The following COMMD5 variants were observed in gnomAD, a reference collection of about 807,000 sequenced individuals.
COMMD5 encodes COMM domain-containing protein 5.
Under a neutral mutation model 6.9 loss-of-function variants are expected in COMMD5, and 10 were observed. That is an observed-to-expected ratio of 1.44 (90% CI 0.89 to 2.45). The LOEUF (loss-of-function observed/expected upper bound fraction) is 2.45, where lower values mean the gene tolerates loss of function less well. COMMD5 is among the 30% of genes most tolerant of loss of function. The probability of loss-of-function intolerance (pLI) is 0.00; values close to 1 mark genes in which losing one functional copy is unlikely to be tolerated. For synonymous variants in COMMD5, 127 were observed against 125.3 expected, an observed-to-expected ratio of 1.01 and a Z score of -0.09; for missense variants, 234 against 287.8, an observed-to-expected ratio of 0.81 and a Z score of 1.35.
At chr8:144,849,049 C>T (rs1411094565), downstream of COMMD5, among the ~76,000 whole-genome samples, 1 of 152,208 alleles carries the variant, frequency 6.6e-6, no homozygotes, top group Non-Finnish European at 1.5e-5. Flanking sequence ...CAGGTCCATG[C>T]TCTGGGCTCC....
downstream of COMMD5, among the ~76,000 whole-genome samples, chr8:144,839,696 C>G (rs1046582698): frequency 6.6e-6 from 1 of 152,242 alleles, no homozygotes; most frequent in African/African-American, 2.4e-5. Flanking sequence ...ATAAAACATG[C>G]AGCAGCACAA....
intron 1 of COMMD5, chr8:144,842,479 C>G: frequency 1.2e-6 from 2 of 1,613,760 alleles, no homozygotes; most frequent in Non-Finnish European, 1.7e-6. Context: ...ACGGCTTATT[C>G]GCCATCAGAG....
chr8:144,841,066 A>T (rs553418065), exon 2 of COMMD5: 1 of 380,544 alleles, frequency 2.6e-6, no homozygotes, highest in African/African-American at 2.0e-5. Context: ...CTCTGCATGG[A>T]CTGTGCCCCA....
downstream of COMMD5, chr8:144,845,841 T>C (rs1830481535): frequency 3.8e-6 from 3 of 786,734 alleles, no homozygotes; most frequent in Non-Finnish European, 6.0e-6. Context: ...GGAACTTCTG[T>C]GCACGTGGAG....
intron 1 of COMMD5, chr8:144,842,491 A>C: frequency 1.2e-6 from 2 of 1,614,132 alleles, no homozygotes; most frequent in Non-Finnish European, 1.7e-6. Context: ...CCATCAGAGA[A>C]CTCACACTGG....
chr8:144,842,259 T>C (rs763216060), intron 1 of COMMD5: 2 of 1,613,994 alleles, frequency 1.2e-6, no homozygotes, highest in Non-Finnish European at 1.7e-6. Context: ...AAAGGATGCA[T>C]ACTGGGGAGA....
At chr8:144,843,417 T>A (rs982951999) in intron 1 of COMMD5, 5 of 355,214 alleles carry the variant, frequency 1.4e-5, no homozygotes, top group African/African-American at 1.1e-4. Context: ...TGAAACCCCA[T>A]CTCTACTAAA....
Position 144,851,366 on chromosome 8 carries a change from GC to G in COMMD5, c.-29del. The G allele has an allele frequency of 6.3e-7, 1 of 1,582,342 alleles. No homozygotes were observed. Among genetic ancestry groups the G allele is most frequent in the Non-Finnish European group, 8.6e-7 (1 of 1,161,164 alleles). ...CTGCTGCTTCCTCTTTGATCAGCCA[GC>G]CCAGGAGGTCGGTCCCAGATGCAGA... On this transcript the variant is annotated 5_prime_UTR_variant, in exon 2 of 2. It removes the in-frame stop codon of an upstream open reading frame in the 5' UTR. Transcript: ENST00000305103.
At chr8:144,852,705 G>T (rs551121291) in intron 1 of COMMD5, 134 bp downstream of exon 1, 8 of 152,390 alleles carry the variant, frequency 5.2e-5, no homozygotes, top group African/African-American at 1.9e-4. Context: ...GGAAGGCCGG[G>T]TTCGCACCCT....
chr8:144,840,708 G>A (rs1012047420), downstream of COMMD5, among the ~76,000 whole-genome samples: 12 of 152,162 alleles, frequency 7.9e-5, no homozygotes, highest in Admixed American at 2.0e-4. Context: ...GAAGAAGTCA[G>A]TGTGGTCTTA....
At chr8:144,848,601 G>A (rs893235414), downstream of COMMD5, among the ~76,000 whole-genome samples, 2 of 152,182 alleles carry the variant, frequency 1.3e-5, no homozygotes, top group Non-Finnish European at 2.9e-5. Flanking sequence ...AAACTTCATG[G>A]CCCACAAAAT....
downstream of COMMD5, among the ~76,000 whole-genome samples, chr8:144,840,019 C>T (rs187758956): frequency 1.3e-5 from 2 of 152,380 alleles, no homozygotes; most frequent in East Asian, 3.9e-4. Context: ...ACTGCAACCT[C>T]TGCCTGCCAG....
Position 144,851,356 on chromosome 8 carries a change from T to C in COMMD5, c.-18A>G, listed in dbSNP as rs1177088409. The C allele has an allele frequency of 2.5e-6, 4 of 1,590,352 alleles. No individual in the cohort carries two copies. The highest frequency in any genetic ancestry group is 3.4e-6 in the Non-Finnish European group (4 of 1,164,928). On this transcript the variant is annotated 5_prime_UTR_variant, in exon 2 of 2. Transcript: ENST00000305103. ...GCAGACATTGCTGCTGCTTCCTCTT[T>C]GATCAGCCAGCCCAGGAGGTCGGTC...
downstream of COMMD5, among the ~76,000 whole-genome samples, chr8:144,839,140 A>G (rs1829507511): frequency 1.2e-5 from 1 of 85,082 alleles, no homozygotes; most frequent in African/African-American, 4.9e-5. Context: ...ATATGCGCCT[A>G]GGGGCTGTGA....
chr8:144,846,062 C>T, downstream of COMMD5: 1 of 1,536,568 alleles, frequency 6.5e-7, no homozygotes, highest in African/African-American at 1.4e-5. Context: ...CCTTCCAAAA[C>T]ACTGCTCACA....
chr8:144,852,192 A>C (rs1830778064), intron 1 of COMMD5, among the ~76,000 whole-genome samples: 2 of 151,814 alleles, frequency 1.3e-5, no homozygotes, highest in Non-Finnish European at 1.5e-5. Context: ...GAGGCAGGGA[A>C]GAAGAAAAGA....
chr8:144,852,006 G>T (rs1013939590), intron 1 of COMMD5, among the ~76,000 whole-genome samples: 3 of 152,030 alleles, frequency 2.0e-5, no homozygotes, highest in Non-Finnish European at 2.9e-5. Flanking sequence ...AGGCGTGGTG[G>T]TGCACGTCTG....
At chr8:144,846,476 T>C (rs2735954), downstream of COMMD5, 10,413 of 304,500 alleles carry the variant, frequency 0.034, 925 homozygotes, top group East Asian at 0.28. Flanking sequence ...GGCGGCTTTC[T>C]TGCTGCAGCA....
intron 1 of COMMD5, chr8:144,843,622 A>G (rs1439860130): frequency 1.3e-5 from 2 of 152,506 alleles, no homozygotes; most frequent in African/African-American, 4.8e-5. Context: ...CCAACTTCAT[A>G]CAAAATGTAT....
Sources: gnomAD v4.1 joint callset for allele counts (sites outside exome capture counted in the v4.1 genomes callset) on GRCh38, gnomAD v4.1.1 for gene constraint, MANE v1.5 for transcripts, NCBI Gene and HGNC (gene_info 2026-07-23, HGNC 2026-07-21) for gene names.